DPP6: variants seen among roughly 807,000 people sequenced by gnomAD.
DPP6 encodes A-type potassium channel modulatory protein DPP6.
A neutral mutation model predicts 122.6 loss-of-function variants in DPP6; 69 were observed. The ratio of observed to expected loss-of-function variants is 0.56; its 90% CI spans 0.46 to 0.69. The LOEUF is 0.69. Ranked by LOEUF, DPP6 falls within the 30% of genes least tolerant of loss-of-function variation. The pLI is 0.00. For synonymous variants in DPP6, 418 were observed against 433.1 expected, an observed-to-expected ratio of 0.97 and a Z score of 0.43; for missense variants, 928 against 1,116.9, an observed-to-expected ratio of 0.83 and a Z score of 2.41.
intron 1 of DPP6, among the ~76,000 whole-genome samples, chr7:154,039,214 T>C: frequency 7.3e-6 from 1 of 137,448 alleles, no homozygotes; most frequent in Non-Finnish European, 1.5e-5. Flanking sequence ...AATTCAGAGT[T>C]CATCTGGAGG....
chr7:154,137,620 C>T (rs1006991889), intron 1 of DPP6, among the ~76,000 whole-genome samples: 13 of 86,748 alleles, frequency 1.5e-4, no homozygotes, highest in Admixed American at 9.7e-4. Flanking sequence ...GCTGAGGGGA[C>T]GAAGCAGCAG....
At chr7:154,713,782 C>T (rs763174063) in intron 7 of DPP6, among the ~76,000 whole-genome samples, 18 of 152,184 alleles carry the variant, frequency 1.2e-4, no homozygotes, top group Admixed American at 8.5e-4. Context: ...CTCTGACATG[C>T]CCTGGGGACA....
At chr7:154,736,727 A>T (rs1020304762) in intron 8 of DPP6, among the ~76,000 whole-genome samples, 74 of 152,250 alleles carry the variant, frequency 4.9e-4, no homozygotes, top group African/African-American at 1.7e-3. Flanking sequence ...GAAGTCAAGA[A>T]CTGTATTTTA....
intron 1 of DPP6, among the ~76,000 whole-genome samples, chr7:154,017,734 A>AT (rs1353612943): frequency 1.3e-5 from 2 of 149,922 alleles, no homozygotes; most frequent in Non-Finnish European, 3.0e-5. Context: ...AAATAAAAAA[A>AT]AAAAAAAGAA....
intron 8 of DPP6, among the ~76,000 whole-genome samples, chr7:154,758,344 C>A (rs1432138237): frequency 6.6e-6 from 1 of 150,992 alleles, no homozygotes; most frequent in Non-Finnish European, 1.5e-5. Context: ...ACATTGAAAT[C>A]TTTTCAGACT....
At chr7:154,830,185 G>GA (rs2150520127) in intron 16 of DPP6, among the ~76,000 whole-genome samples, 1 of 152,192 alleles carries the variant, frequency 6.6e-6, no homozygotes, top group East Asian at 1.9e-4. Flanking sequence ...TTTTCATCTT[G>GA]AAAATCCACA....
chr7:154,571,300 G>A (rs1831094638), intron 5 of DPP6, among the ~76,000 whole-genome samples: 3 of 151,958 alleles, frequency 2.0e-5, no homozygotes, highest in Admixed American at 2.0e-4. Context: ...TGGGGAGAGG[G>A]AAAAAGAATG....
At chr7:154,856,318 C>T (rs1194282818) in intron 17 of DPP6, among the ~76,000 whole-genome samples, 1 of 152,186 alleles carries the variant, frequency 6.6e-6, no homozygotes, top group African/African-American at 2.4e-5. Flanking sequence ...TAAGCCACTT[C>T]CAGCCTGGAT....
chr7:154,258,077 G>T (rs1802766761), intron 1 of DPP6, among the ~76,000 whole-genome samples: 1 of 149,792 alleles, frequency 6.7e-6, no homozygotes, highest in African/African-American at 2.5e-5. Flanking sequence ...ATATTGTGGG[G>T]CAACACGTGG....
chr7:154,468,520 C>T (rs1821984745), intron 2 of DPP6, among the ~76,000 whole-genome samples: 1 of 152,150 alleles, frequency 6.6e-6, no homozygotes, highest in African/African-American at 2.4e-5. Context: ...GGAAACATAT[C>T]AACCTATCCG....
At chr7:154,868,591 C>T (rs1804095816) in intron 18 of DPP6, among the ~76,000 whole-genome samples, 1 of 152,218 alleles carries the variant, frequency 6.6e-6, no homozygotes, top group African/African-American at 2.4e-5. Flanking sequence ...TTTCCTTGAA[C>T]TGTCCCTCCA....
intron 16 of DPP6, among the ~76,000 whole-genome samples, chr7:154,826,360 C>A (rs1448409675): frequency 1.3e-5 from 2 of 152,182 alleles, no homozygotes; most frequent in Non-Finnish European, 2.9e-5. Context: ...AATGTACTCC[C>A]TGAAAATATT....
chr7:154,552,566 T>A (rs1829715095), intron 4 of DPP6, among the ~76,000 whole-genome samples: 1 of 152,192 alleles, frequency 6.6e-6, no homozygotes, highest in Non-Finnish European at 1.5e-5. Flanking sequence ...CTGTGCTGGA[T>A]GGTCCATGGA....
At chr7:154,704,485 T>C (rs1840711997) in intron 7 of DPP6, among the ~76,000 whole-genome samples, 1 of 152,208 alleles carries the variant, frequency 6.6e-6, no homozygotes, top group African/African-American at 2.4e-5. Flanking sequence ...CAAATAGGAT[T>C]GGGTGCTACA....
chr7:154,797,038 G>A (rs1176881652), intron 12 of DPP6, among the ~76,000 whole-genome samples: 1 of 152,188 alleles, frequency 6.6e-6, no homozygotes, highest in East Asian at 1.9e-4. Flanking sequence ...GTTCTTGAAT[G>A]CCACCTGGAC....
upstream of DPP6, among the ~76,000 whole-genome samples, chr7:153,885,938 A>G (rs1343059854): frequency 6.6e-6 from 1 of 152,188 alleles, no homozygotes; most frequent in East Asian, 1.9e-4. Flanking sequence ...CTTACATGTA[A>G]TTACAGTTGC....
chr7:154,408,028 A>G (rs564401897), intron 1 of DPP6, among the ~76,000 whole-genome samples: 21 of 152,328 alleles, frequency 1.4e-4, no homozygotes, highest in African/African-American at 4.8e-4. Context: ...CCTGGCACTT[A>G]CTGAGTGCGC....
chr7:154,857,937 C>T (rs1802979497), intron 17 of DPP6, among the ~76,000 whole-genome samples: 1 of 152,198 alleles, frequency 6.6e-6, no homozygotes, highest in South Asian at 2.1e-4. Flanking sequence ...GGCAGTGAGT[C>T]ACCCATCCCT....
At chr7:154,765,783 A>G (rs1795858110) in intron 8 of DPP6, among the ~76,000 whole-genome samples, 1 of 152,192 alleles carries the variant, frequency 6.6e-6, no homozygotes, top group Non-Finnish European at 1.5e-5. Flanking sequence ...TGTATTCTCT[A>G]GTTTTCCCAA....
Sources: allele counts gnomAD v4.1 joint callset (sites outside exome capture counted in the v4.1 genomes callset), GRCh38; gene constraint gnomAD v4.1.1; transcripts MANE v1.5; gene names NCBI Gene and HGNC (gene_info 2026-07-23, HGNC 2026-07-21).